Variants in AHI1 observed in about 807,000 individuals in gnomAD.
The protein encoded by AHI1 is jouberin.
Under a neutral mutation model 149.3 loss-of-function variants are expected in AHI1, and 123 were observed. The observed-to-expected ratio is 0.82, with a 90% confidence interval of 0.71 to 0.96. The LOEUF is 0.96. Among genes scored for constraint, AHI1 ranks in the 40% least tolerant of loss-of-function variants. The pLI, the probability that AHI1 is intolerant of heterozygous loss-of-function variation, is 0.00. For synonymous variants in AHI1, 475 were observed against 459.8 expected (o/e 1.03, Z -0.42); for missense variants, 1,439 against 1,422.7 (o/e 1.01, Z -0.18).
intron 23 of AHI1, among the ~76,000 whole-genome samples, chr6:135,366,744 T>C (rs1272932376): frequency 6.6e-6 from 1 of 152,206 alleles, no homozygotes; most frequent in Non-Finnish European, 1.5e-5. Flanking sequence ...CAGCTTTTCA[T>C]TTCATTCATC....
At chr6:135,466,805 T>C (rs1335511079) in intron 6 of AHI1, among the ~76,000 whole-genome samples, 1 of 152,092 alleles carries the variant, frequency 6.6e-6, no homozygotes, top group African/African-American at 2.4e-5. Flanking sequence ...ATAATTACAC[T>C]CTAAAAGCAA....
chr6:135,351,140 AAAAC>A (rs1399769087), intron 24 of AHI1, among the ~76,000 whole-genome samples: 15 of 148,302 alleles, frequency 1.0e-4, no homozygotes, highest in African/African-American at 3.4e-4. Flanking sequence ...AAAAACAAAA[AAAAC>A]AAAAAAAAAA....
At chr6:135,485,073 CTT>C (rs1184120839) in intron 5 of AHI1, among the ~76,000 whole-genome samples, 29 of 142,966 alleles carry the variant, frequency 2.0e-4, no homozygotes, top group African/African-American at 5.3e-4. Flanking sequence ...TGTACAATTT[CTT>C]TTTTTTTTTT....
intron 15 of AHI1, among the ~76,000 whole-genome samples, chr6:135,434,291 C>T (rs1273089571): frequency 6.6e-6 from 1 of 151,708 alleles, no homozygotes; most frequent in Non-Finnish European, 1.5e-5. Flanking sequence ...ACTAAGAATC[C>T]AAACTAATAA....
intron 23 of AHI1, among the ~76,000 whole-genome samples, chr6:135,382,850 C>T (rs112559060): frequency 7.1e-4 from 87 of 122,206 alleles, no homozygotes; most frequent in African/African-American, 2.6e-3. Context: ...ACATGAAGAG[C>T]TGCTTGCTTG....
intron 5 of AHI1, among the ~76,000 whole-genome samples, chr6:135,487,457 ATAAT>A (rs1794644952): frequency 6.6e-6 from 1 of 152,166 alleles, no homozygotes; most frequent in African/African-American, 2.4e-5. Flanking sequence ...GACATATATA[ATAAT>A]TAAGAAAGTT....
chr6:135,450,220 A>T (rs1462298317), intron 11 of AHI1, among the ~76,000 whole-genome samples: 1 of 152,216 alleles, frequency 6.6e-6, no homozygotes, highest in Non-Finnish European at 1.5e-5. Context: ...AAACCAAGGT[A>T]ACAGAGTTTC....
chr6:135,492,813 A>G (rs780534394), intron 3 of AHI1: 131 of 985,136 alleles, frequency 1.3e-4, no homozygotes, highest in Non-Finnish European at 5.1e-5. Flanking sequence ...TAAAACCTGG[A>G]TGTGTATTAC....
At chr6:135,357,991 C>CA (rs1238045040) in intron 24 of AHI1, 141 bp downstream of exon 24, 13 of 677,940 alleles carry the variant, frequency 1.9e-5, no homozygotes, top group Non-Finnish European at 3.3e-5. Context: ...AAGTTAACAA[C>CA]ATTAATATGA....
At chr6:135,308,380 T>A (rs1338533568) in intron 26 of AHI1, among the ~76,000 whole-genome samples, 1 of 152,076 alleles carries the variant, frequency 6.6e-6, no homozygotes, top group Non-Finnish European at 1.5e-5. Context: ...GGACTACAGA[T>A]GCACACTACC....
At chr6:135,389,872 T>C (rs934154652) in intron 23 of AHI1, among the ~76,000 whole-genome samples, 9 of 152,232 alleles carry the variant, frequency 5.9e-5, no homozygotes, top group Non-Finnish European at 1.2e-4. Flanking sequence ...CCCATAACAG[T>C]GATTTTTATT....
chr6:135,335,396 A>G (rs867668255), intron 24 of AHI1, among the ~76,000 whole-genome samples: 2 of 152,122 alleles, frequency 1.3e-5, no homozygotes, highest in South Asian at 2.1e-4. Context: ...TCAGTTACCT[A>G]TTATCAAATC....
intron 26 of AHI1, among the ~76,000 whole-genome samples, chr6:135,316,215 C>T (rs1214360866): frequency 6.6e-6 from 1 of 152,134 alleles, no homozygotes; most frequent in African/African-American, 2.4e-5. Context: ...GGTGTCCTTT[C>T]TTTATCTGTC....
intron 26 of AHI1, chr6:135,302,331 G>C: frequency 1.0e-6 from 1 of 985,660 alleles, no homozygotes; most frequent in South Asian, 4.7e-5. Context: ...TGAGGGGAGA[G>C]AAGTCATACT....
chr6:135,397,503 T>C (rs1371172574), intron 22 of AHI1, among the ~76,000 whole-genome samples: 1 of 151,974 alleles, frequency 6.6e-6, no homozygotes, highest in Admixed American at 6.6e-5. Context: ...AAAAATTTAA[T>C]GAAATTCATA....
intron 14 of AHI1, among the ~76,000 whole-genome samples, chr6:135,439,667 T>C (rs1785963793): frequency 6.6e-6 from 1 of 152,214 alleles, no homozygotes; most frequent in Non-Finnish European, 1.5e-5. Context: ...CTAGTTTTGC[T>C]GTCACACCTC....
chr6:135,389,831 A>AGTAG (rs1778210810), intron 23 of AHI1, among the ~76,000 whole-genome samples: 2 of 152,222 alleles, frequency 1.3e-5, no homozygotes, highest in African/African-American at 4.8e-5. Context: ...GCCAGTAGTA[A>AGTAG]CACTTCCTGC....
intron 23 of AHI1, among the ~76,000 whole-genome samples, chr6:135,376,533 T>C (rs1261662070): frequency 6.6e-6 from 1 of 151,966 alleles, no homozygotes; most frequent in Non-Finnish European, 1.5e-5. Context: ...GCCAAAAAAG[T>C]TTAGCCTGAA....
intron 24 of AHI1, among the ~76,000 whole-genome samples, chr6:135,327,635 TG>T (rs765328333): frequency 6.6e-6 from 1 of 152,192 alleles, no homozygotes; most frequent in Non-Finnish European, 1.5e-5. Context: ...AGAATGTCTC[TG>T]ATCTCCTTCT....
Sources: gnomAD v4.1 joint callset for allele counts (sites outside exome capture counted in the v4.1 genomes callset) on GRCh38, gnomAD v4.1.1 for gene constraint, MANE v1.5 for transcripts, NCBI Gene and HGNC (gene_info 2026-07-23, HGNC 2026-07-21) for gene names.